The following CUL2 variants were observed in gnomAD, a reference collection of about 807,000 sequenced individuals.
CUL2 encodes cullin-2.
A neutral mutation model predicts 110.2 loss-of-function variants in CUL2; 22 were observed. The observed-to-expected ratio is 0.20, with a 90% CI of 0.14 to 0.28. The LOEUF is 0.28. CUL2 is among the 10% of genes least tolerant of loss of function. CUL2 has a pLI of 1.00. For synonymous variants in CUL2, 279 were observed against 293.2 expected (o/e 0.95, Z 0.49); for missense variants, 631 against 905.5 (o/e 0.70, Z 3.89).
chr10:35,057,808 C>CA (rs1340457683), intron 4 of CUL2, among the ~76,000 whole-genome samples: 2 of 128,502 alleles, frequency 1.6e-5, no homozygotes, highest in Non-Finnish European at 3.4e-5. Context: ...TTAATAAAGA[C>CA]ATGGGCTGGA....
intron 1 of CUL2, among the ~76,000 whole-genome samples, chr10:35,085,851 C>A (rs1256939549): frequency 6.6e-6 from 1 of 152,020 alleles, no homozygotes; most frequent in Non-Finnish European, 1.5e-5. Context: ...AAAGAAACAG[C>A]TTTTTACAGC....
chr10:35,125,568 G>A (rs765230951), intron 1 of CUL2, among the ~76,000 whole-genome samples: 4 of 152,182 alleles, frequency 2.6e-5, no homozygotes, highest in Non-Finnish European at 4.4e-5. Flanking sequence ...TGACACTACA[G>A]TAACTGATAT....
At chr10:35,091,932 C>A (rs2087213301), upstream of CUL2, among the ~76,000 whole-genome samples, 1 of 151,808 alleles carries the variant, frequency 6.6e-6, no homozygotes, top group African/African-American at 2.4e-5. Context: ...CAGGCCCCCC[C>A]TGCTTTTTGT....
intron 1 of CUL2, among the ~76,000 whole-genome samples, chr10:35,119,199 C>T: frequency 6.6e-6 from 1 of 152,208 alleles, no homozygotes; most frequent in Non-Finnish European, 1.5e-5. Flanking sequence ...CTGGGAAATT[C>T]AAGGGACATT....
chr10:35,119,978 A>G (rs184922273), intron 1 of CUL2: 2 of 152,254 alleles, frequency 1.3e-5, no homozygotes, highest in African/African-American at 4.8e-5. Context: ...TTTATTTCTT[A>G]TTCTTACCTT....
At chr10:35,016,588 A>G (rs1414191955) in intron 17 of CUL2, among the ~76,000 whole-genome samples, 194 bp from the exon 18 acceptor site, 1 of 152,176 alleles carries the variant, frequency 6.6e-6, no homozygotes, top group Non-Finnish European at 1.5e-5. Context: ...TTTTGAGTAT[A>G]TGGTATAAAT....
At chr10:35,121,442 T>A (rs1438902290) in intron 1 of CUL2, among the ~76,000 whole-genome samples, 1 of 152,128 alleles carries the variant, frequency 6.6e-6, no homozygotes, top group Non-Finnish European at 1.5e-5. Flanking sequence ...GGCCAGGCTG[T>A]ATGATATGCA....
At chr10:35,087,706 A>G (rs113399769) in intron 1 of CUL2, among the ~76,000 whole-genome samples, 2,861 of 152,314 alleles carry the variant, frequency 0.019, 97 homozygotes, top group African/African-American at 0.065. Flanking sequence ...GACAATTTCA[A>G]TAAGTATCTT....
At position 35,009,607 on chromosome 10, in the gene CUL2, T is replaced by C. The variant is rs1174705109; in HGVS notation, c.*704A>G. On this transcript the variant is annotated 3_prime_UTR_variant, in exon 21 of 21. Coordinates refer to ENST00000374749, the MANE Select transcript of CUL2 (RefSeq NM_003591.4). ...GTAGCACACCACCAGAAACTGCTGA[T>C]GGAATTACATCTTCAAGATTCAAAA... The C allele has an allele frequency of 6.6e-6, 1 of 152,228 alleles. No individual in the cohort carries two copies. Among genetic ancestry groups the C allele is most frequent in the African/African-American group, 2.4e-5 (1 of 41,448 alleles). The allele number at this position is 152,228 out of a possible 1,614,324, so 9.4% of individuals were successfully genotyped here.
intron 2 of CUL2, among the ~76,000 whole-genome samples, chr10:35,099,024 A>G (rs12777222): frequency 0.14 from 20,603 of 152,246 alleles, 1,588 homozygotes; most frequent in South Asian, 0.2. Flanking sequence ...GTAAGTCTGG[A>G]GGGAAGCTAA....
intron 1 of CUL2, among the ~76,000 whole-genome samples, chr10:35,112,464 G>A (rs1034048502): frequency 1.3e-5 from 2 of 152,162 alleles, no homozygotes; most frequent in African/African-American, 4.8e-5. Flanking sequence ...ACAGAGCATG[G>A]CTCTCTGGCT....
intron 1 of CUL2, among the ~76,000 whole-genome samples, chr10:35,125,165 C>G (rs1044788090): frequency 1.3e-5 from 2 of 152,210 alleles, no homozygotes; most frequent in Admixed American, 6.5e-5. Flanking sequence ...AAACCCAGAT[C>G]CAACTGCATG....
chr10:35,054,931 A>C (rs1429724403), intron 4 of CUL2, among the ~76,000 whole-genome samples: 1 of 152,220 alleles, frequency 6.6e-6, no homozygotes, highest in Non-Finnish European at 1.5e-5. Context: ...GAAGAAATGC[A>C]ATTTTTCATT....
chr10:35,033,788 CT>C (rs11334081), intron 10 of CUL2, among the ~76,000 whole-genome samples: 21,103 of 150,296 alleles, frequency 0.14, 1,805 homozygotes, highest in East Asian at 0.24. Context: ...AAGAAAATAG[CT>C]TGTCATTCAA....
chr10:35,054,974 G>A (rs537337805), intron 4 of CUL2, among the ~76,000 whole-genome samples: 1 of 152,252 alleles, frequency 6.6e-6, no homozygotes, highest in East Asian at 1.9e-4. Flanking sequence ...CAGTAGGTAA[G>A]AAAATGGAAC....
At position 35,011,935 on chromosome 10, in the gene CUL2, A is replaced by G. The variant is rs1427253340; in HGVS notation, c.2019T>C (p.Asp673=). Reference sequence around the variant, plus strand: ...CTTGGAGATACATTTTCCGGTCCTCATCAACTGCACTTCTAGTCTGCTCCA... The same window carrying G: ...CTTGGAGATACATTTTCCGGTCCTCGTCAACTGCACTTCTAGTCTGCTCCA... The part of the protein sequence containing the change: ...QEMEQTRSAV[D]EDRKMYLQAA... The change falls in exon 20 of 21, where the codon GAT becomes GAC. Residue 673 remains aspartate, a synonymous_variant. Transcript: ENST00000374749. 1 of 1,610,590 alleles carries G rather than the reference A, an allele frequency of 6.2e-7. No homozygotes were observed. The highest frequency in any genetic ancestry group is 1.3e-5 in the African/African-American group (1 of 74,828).
chr10:35,045,839 A>C (rs891659846), intron 6 of CUL2, among the ~76,000 whole-genome samples: 3 of 152,264 alleles, frequency 2.0e-5, no homozygotes. Flanking sequence ...TCAAACCATT[A>C]TGGTTTACCT....
chr10:35,029,095 T>C (rs2085408227), intron 15 of CUL2, among the ~76,000 whole-genome samples: 1 of 149,682 alleles, frequency 6.7e-6, no homozygotes, highest in Admixed American at 6.7e-5. Context: ...TCTCACTCCA[T>C]CACCCAGGCT....
Position 35,044,588 on chromosome 10 carries a change from T to C in CUL2, c.692A>G (p.Asn231Ser). Residue 231 changes from asparagine (N) to serine (S), a missense_variant, in exon 8 of 21, where the codon AAC (asparagine) becomes AGC (serine). Physicochemically the swap from Asn to Ser is conservative, Grantham distance 46. This residue lies in a region of CUL2 where 338 missense variants were observed against 442.5 expected (regional missense o/e 0.76). Coordinates refer to ENST00000374749, the MANE Select transcript of CUL2 (RefSeq NM_003591.4). ...TACCTTTTCCATATACTGTGAGCAG[T>C]TTGATTCTTGTAATAAATTTGAAGC... ...QEASNLLQES[N>S]CSQYMEKVLG... 6.2e-7 allele frequency: 1 copy of C among 1,606,506 alleles called. No homozygotes were observed. Among genetic ancestry groups the C allele is most frequent in the Non-Finnish European group, 8.5e-7 (1 of 1,176,278 alleles).
Sources: allele counts gnomAD v4.1 joint callset (sites outside exome capture counted in the v4.1 genomes callset), GRCh38; gene constraint gnomAD v4.1.1; regional missense constraint gnomAD v4.1.1; transcripts MANE v1.5; gene names NCBI Gene and HGNC (gene_info 2026-07-23, HGNC 2026-07-21).